PTPRD: variants seen among roughly 807,000 people sequenced by gnomAD.
The protein encoded by PTPRD is protein tyrosine phosphatase receptor type D, also known as receptor-type tyrosine-protein phosphatase delta.
PTPRD carries 34 observed loss-of-function variants against 214.5 expected under a neutral mutation model. The observed-to-expected ratio is 0.16, with a 90% CI of 0.12 to 0.21. The LOEUF (loss-of-function observed/expected upper bound fraction) is 0.21. Among genes scored for constraint, PTPRD ranks in the 10% least tolerant of loss-of-function variants. The pLI is 1.00. For synonymous variants in PTPRD, 1,128 were observed against 845.7 expected (o/e 1.33, Z -5.79); for missense variants, 2,545 against 2,398.7 (o/e 1.06, Z -1.27).
At chr9:9,853,514 T>G (rs1387166201) in intron 5 of PTPRD, among the ~76,000 whole-genome samples, 1 of 152,112 alleles carries the variant, frequency 6.6e-6, no homozygotes, top group Non-Finnish European at 1.5e-5. Flanking sequence ...CAACTGTGTA[T>G]TATTGTGTAT....
chr9:10,537,048 A>G (rs1272222623), intron 2 of PTPRD, among the ~76,000 whole-genome samples: 5 of 152,156 alleles, frequency 3.3e-5, no homozygotes, highest in African/African-American at 1.2e-4. Context: ...CTAGCTCTGA[A>G]ATAGCATTCT....
At chr9:10,076,425 A>G (rs143682714) in intron 3 of PTPRD, among the ~76,000 whole-genome samples, 1 of 152,232 alleles carries the variant, frequency 6.6e-6, no homozygotes, top group African/African-American at 2.4e-5. Flanking sequence ...CTGTGTTACT[A>G]GGCATCATTG....
At chr9:9,775,253 G>A (rs1042268806) in intron 5 of PTPRD, among the ~76,000 whole-genome samples, 2 of 152,004 alleles carry the variant, frequency 1.3e-5, no homozygotes, top group Non-Finnish European at 2.9e-5. Context: ...TTATTGTACT[G>A]CTAACACAGA....
chr9:9,134,084 G>A (rs1340313253), intron 10 of PTPRD, among the ~76,000 whole-genome samples: 10 of 4,928 alleles, frequency 2.0e-3, no homozygotes, highest in Non-Finnish European at 4.9e-3. Context: ...TTTTTTTTTT[G>A]AGACGGAGTC....
chr9:8,383,035 A>G (rs192116986), intron 37 of PTPRD, among the ~76,000 whole-genome samples: 15 of 152,362 alleles, frequency 9.8e-5, no homozygotes, highest in Non-Finnish European at 1.8e-4. Context: ...TCCAAAACTG[A>G]TAACAGCAAT....
intron 5 of PTPRD, among the ~76,000 whole-genome samples, chr9:9,858,150 A>G (rs2153684348): frequency 6.6e-6 from 1 of 152,328 alleles, no homozygotes; most frequent in Non-Finnish European, 1.5e-5. Flanking sequence ...CTGAATTATA[A>G]AAATACATTT....
At chr9:8,351,466 G>C (rs2075430555) in intron 39 of PTPRD, among the ~76,000 whole-genome samples, 1 of 151,258 alleles carries the variant, frequency 6.6e-6, no homozygotes, top group Non-Finnish European at 1.5e-5. Context: ...GAAATATAAA[G>C]CAATGGGTAA....
intron 9 of PTPRD, among the ~76,000 whole-genome samples, chr9:9,202,166 T>C (rs1172639667): frequency 1.3e-5 from 2 of 152,172 alleles, no homozygotes; most frequent in South Asian, 2.1e-4. Context: ...TTGGAAAGCC[T>C]AGACAGTTTG....
intron 11 of PTPRD, among the ~76,000 whole-genome samples, chr9:8,964,882 T>C (rs1213105925): frequency 6.6e-6 from 1 of 152,164 alleles, no homozygotes; most frequent in Non-Finnish European, 1.5e-5. Context: ...TATTGATTTC[T>C]ATTTTTATTT....
At chr9:9,809,828 C>A (rs895503390) in intron 5 of PTPRD, among the ~76,000 whole-genome samples, 1 of 152,074 alleles carries the variant, frequency 6.6e-6, no homozygotes. Flanking sequence ...GACTTTGATA[C>A]TGGATATAAA....
intron 11 of PTPRD, among the ~76,000 whole-genome samples, chr9:8,821,864 C>T (rs2097073562): frequency 6.6e-6 from 1 of 152,136 alleles, no homozygotes; most frequent in African/African-American, 2.4e-5. Context: ...GGGGTTTCAC[C>T]ATCTTGGCCA....
At chr9:8,807,553 T>C (rs1408825440) in intron 11 of PTPRD, among the ~76,000 whole-genome samples, 1 of 152,040 alleles carries the variant, frequency 6.6e-6, no homozygotes, top group Non-Finnish European at 1.5e-5. Context: ...ACTAGTTTTC[T>C]GTGTGGGTAA....
chr9:10,007,154 A>G (rs910418244), intron 4 of PTPRD, among the ~76,000 whole-genome samples: 2 of 152,020 alleles, frequency 1.3e-5, no homozygotes, highest in Non-Finnish European at 2.9e-5. Flanking sequence ...CAGAATTGAT[A>G]TGGTCCAGGA....
intron 11 of PTPRD, among the ~76,000 whole-genome samples, chr9:8,737,736 C>T (rs528737541): frequency 9.9e-5 from 15 of 152,086 alleles, no homozygotes; most frequent in African/African-American, 2.9e-4. Context: ...CTGCTACCTC[C>T]GCCTCCTCAG....
chr9:9,776,447 A>G (rs548418357), intron 5 of PTPRD, among the ~76,000 whole-genome samples: 1 of 152,294 alleles, frequency 6.6e-6, no homozygotes, highest in South Asian at 2.1e-4. Flanking sequence ...GCCCTAATAA[A>G]CTTTGCTTTT....
chr9:8,390,447 C>A (rs1409616213), intron 36 of PTPRD, among the ~76,000 whole-genome samples: 1 of 152,080 alleles, frequency 6.6e-6, no homozygotes, highest in Non-Finnish European at 1.5e-5. Flanking sequence ...AGCCGCCATC[C>A]CAGAAGGCCT....
chr9:8,388,133 T>G (rs1228336296), intron 37 of PTPRD, among the ~76,000 whole-genome samples: 2 of 151,710 alleles, frequency 1.3e-5, no homozygotes, highest in Admixed American at 1.3e-4. Flanking sequence ...CCTTTGAGGT[T>G]ACAGTTGTGG....
In PTPRD at chr9:8,316,618, T is replaced by TAATA. The variant is rs781359870; in HGVS notation, c.*1252_*1255dup. Reference sequence around the variant, plus strand: ...CCCACATGCACACCTCTTAGCTATTTAATAATAATTTTTATTGCACTAGAG... The same window carrying TAATA: ...CCCACATGCACACCTCTTAGCTATTTAATAAATAATAATTTTTATTGCACTAGAG... On this transcript the variant is annotated 3_prime_UTR_variant, in exon 46 of 46. Coordinates refer to ENST00000381196, the MANE Select transcript of PTPRD (RefSeq NM_002839.4). 1.2e-4 allele frequency: 28 copies of TAATA among 230,532 alleles called. No homozygotes were observed. The highest frequency in any genetic ancestry group is 2.4e-4 in the African/African-American group (11 of 44,998). 14.3% of individuals were successfully genotyped at this position (230,532 alleles called of 1,614,324 possible).
At chr9:9,379,250 G>A (rs1263779569) in intron 9 of PTPRD, among the ~76,000 whole-genome samples, 1 of 136,470 alleles carries the variant, frequency 7.3e-6, no homozygotes, top group African/African-American at 2.8e-5. Flanking sequence ...ATATATATTT[G>A]CCTGTGAATG....
Sources: allele counts gnomAD v4.1 joint callset (sites outside exome capture counted in the v4.1 genomes callset), GRCh38; gene constraint gnomAD v4.1.1; transcripts MANE v1.5; gene names NCBI Gene and HGNC (gene_info 2026-07-23, HGNC 2026-07-21).